PGCKA1: variants seen among roughly 807,000 people sequenced by gnomAD.
The protein encoded by PGCKA1 is PDCD10 and GCKIII kinases-associated protein 1.
the PGCKA1 span, among the ~76,000 whole-genome samples, chr4:37,533,515 G>A: frequency 1.3e-5 from 2 of 152,150 alleles, no homozygotes; most frequent in Non-Finnish European, 2.9e-5. Context: ...ATTGCAGAAG[G>A]TGGGGCTGCT....
At chr4:37,570,146 A>ATTTTTTTTTTTTT in the PGCKA1 span, among the ~76,000 whole-genome samples, 79 of 78,900 alleles carry the variant, frequency 1.0e-3, no homozygotes, top group Middle Eastern at 8.1e-3. Flanking sequence ...CGCCTGGCTA[A>ATTTTTTTTTTTTT]TTTTTTTTTT....
chr4:37,578,530 T>C, the PGCKA1 span, among the ~76,000 whole-genome samples: 4 of 152,326 alleles, frequency 2.6e-5, no homozygotes, highest in East Asian at 7.7e-4. Flanking sequence ...AGTAGACAGC[T>C]TAGTCCGTTT....
chr4:37,571,356 T>A, the PGCKA1 span, among the ~76,000 whole-genome samples: 2,538 of 11,122 alleles, frequency 0.23, 102 homozygotes, highest in Admixed American at 0.31. Context: ...ACTATTATCC[T>A]TTTTTTTTTT....
chr4:37,484,938 A>G, the PGCKA1 span, among the ~76,000 whole-genome samples: 1 of 152,354 alleles, frequency 6.6e-6, no homozygotes, highest in East Asian at 1.9e-4. Flanking sequence ...GAACAGATTA[A>G]GAAAAGTGGT....
the PGCKA1 span, among the ~76,000 whole-genome samples, chr4:37,538,861 G>T: frequency 1.3e-5 from 2 of 152,188 alleles, no homozygotes; most frequent in Non-Finnish European, 2.9e-5. Context: ...GTTATAGTCA[G>T]CACTGTAGAC....
chr4:37,496,437 T>C, the PGCKA1 span, among the ~76,000 whole-genome samples: 1 of 152,332 alleles, frequency 6.6e-6, no homozygotes. Flanking sequence ...ATTTCTGGGC[T>C]ATGTATTCTG....
chr4:37,506,627 T>C, the PGCKA1 span, among the ~76,000 whole-genome samples: 1 of 151,894 alleles, frequency 6.6e-6, no homozygotes, highest in Non-Finnish European at 1.5e-5. Flanking sequence ...TTTTATTTAA[T>C]TGTGGTTAGG....
At chr4:37,592,080 C>T in the PGCKA1 span, among the ~76,000 whole-genome samples, 17 of 151,642 alleles carry the variant, frequency 1.1e-4, no homozygotes, top group East Asian at 1.6e-3. Context: ...CGGTGGCGGG[C>T]GCCTGTAATC....
chr4:37,530,556 A>G, the PGCKA1 span, among the ~76,000 whole-genome samples: 2 of 143,508 alleles, frequency 1.4e-5, no homozygotes, highest in African/African-American at 5.3e-5. Flanking sequence ...CCTGGATGAC[A>G]AAGTGAAACT....
chr4:37,535,808 G>A, the PGCKA1 span, among the ~76,000 whole-genome samples: 10 of 152,196 alleles, frequency 6.6e-5, no homozygotes, highest in East Asian at 7.7e-4. Flanking sequence ...ACATGGCAGC[G>A]CTGGGACTGG....
the PGCKA1 span, among the ~76,000 whole-genome samples, chr4:37,519,183 T>C: frequency 5.9e-5 from 9 of 152,214 alleles, no homozygotes; most frequent in Non-Finnish European, 1.3e-4. Context: ...GTAGTATAAC[T>C]TGAAGACAGG....
the PGCKA1 span, among the ~76,000 whole-genome samples, chr4:37,484,982 C>T: frequency 1.3e-5 from 2 of 152,162 alleles, no homozygotes; most frequent in Non-Finnish European, 2.9e-5. Context: ...GTGTTATATC[C>T]ACAACTCATA....
chr4:37,484,000 A>C, the PGCKA1 span, among the ~76,000 whole-genome samples: 1 of 152,196 alleles, frequency 6.6e-6, no homozygotes, highest in South Asian at 2.1e-4. Flanking sequence ...GCTTTTAAAA[A>C]CAAAACTGAA....
the PGCKA1 span, among the ~76,000 whole-genome samples, chr4:37,558,437 C>T: frequency 5.3e-5 from 8 of 152,176 alleles, no homozygotes; most frequent in South Asian, 8.3e-4. Flanking sequence ...CGTGTGGTCC[C>T]GGGACCTACG....
chr4:37,529,710 T>C, the PGCKA1 span, among the ~76,000 whole-genome samples: 3 of 152,186 alleles, frequency 2.0e-5, no homozygotes, highest in African/African-American at 7.2e-5. Context: ...CCATAGAAGA[T>C]GGGGGAAGCT....
the PGCKA1 span, among the ~76,000 whole-genome samples, chr4:37,554,905 G>C: frequency 6.6e-6 from 1 of 152,318 alleles, no homozygotes; most frequent in African/African-American, 2.4e-5. Flanking sequence ...GGAAGGCCAT[G>C]GATGTCGTAT....
the PGCKA1 span, among the ~76,000 whole-genome samples, chr4:37,536,297 A>G: frequency 7.5e-4 from 114 of 152,356 alleles, no homozygotes; most frequent in Middle Eastern, 3.4e-3. Context: ...GGCAAGTCCA[A>G]CTAAAGAGAT....
At chr4:37,502,382 G>T in the PGCKA1 span, among the ~76,000 whole-genome samples, 1 of 152,336 alleles carries the variant, frequency 6.6e-6, no homozygotes, top group East Asian at 1.9e-4. Flanking sequence ...TTGTGCTGGT[G>T]GTAGTGTTAG....
the PGCKA1 span, among the ~76,000 whole-genome samples, chr4:37,583,258 T>C: frequency 2.6e-5 from 4 of 152,330 alleles, no homozygotes; most frequent in African/African-American, 7.2e-5. Context: ...TTTTCCTATA[T>C]GCCCTTGACT....
Sources: gnomAD v4.1 joint callset for allele counts (sites outside exome capture counted in the v4.1 genomes callset) on GRCh38, gnomAD v4.1.1 for gene constraint, MANE v1.5 for transcripts, NCBI Gene and HGNC (gene_info 2026-07-23, HGNC 2026-07-21) for gene names.